Variants in AUTS2 observed in about 807,000 individuals in gnomAD.
AUTS2 encodes the protein activator of transcription and developmental regulator AUTS2.
Under a neutral mutation model 112.4 loss-of-function variants are expected in AUTS2, and 17 were observed. That is an observed-to-expected ratio of 0.15 (90% CI 0.10 to 0.23). AUTS2 has a LOEUF of 0.23. AUTS2 is among the 10% of genes least tolerant of loss of function. The pLI is 1.00. For missense variants in AUTS2, 1,510 were observed against 1,701.6 expected (o/e 0.89, Z 1.98); for synonymous variants, 751 against 702.7 (o/e 1.07, Z -1.09).
chr7:69,677,677 T>C (rs1389105921), intron 1 of AUTS2, among the ~76,000 whole-genome samples: 2 of 152,250 alleles, frequency 1.3e-5, no homozygotes, highest in East Asian at 1.9e-4. Context: ...GATATTCTTA[T>C]AGCCTTCCTG....
chr7:69,622,489 T>C (rs1793721541), intron 1 of AUTS2, among the ~76,000 whole-genome samples: 1 of 152,232 alleles, frequency 6.6e-6, no homozygotes, highest in Non-Finnish European at 1.5e-5. Flanking sequence ...AGTTTTTAGC[T>C]GAATGAATGA....
chr7:70,607,722 C>T (rs1032511146), intron 5 of AUTS2, among the ~76,000 whole-genome samples: 5 of 152,126 alleles, frequency 3.3e-5, no homozygotes, highest in African/African-American at 9.7e-5. Context: ...TGTGATTAAG[C>T]TTATATGAAG....
intron 1 of AUTS2, among the ~76,000 whole-genome samples, chr7:69,766,811 G>T (rs1788441122): frequency 6.6e-6 from 1 of 152,214 alleles, no homozygotes; most frequent in Non-Finnish European, 1.5e-5. Context: ...CTCATCAGCT[G>T]GTGCCATGCT....
At chr7:70,591,770 G>A (rs886237195) in intron 5 of AUTS2, among the ~76,000 whole-genome samples, 1 of 152,104 alleles carries the variant, frequency 6.6e-6, no homozygotes, top group Non-Finnish European at 1.5e-5. Context: ...TGTAGTCTAC[G>A]CATGTGTCAG....
At chr7:70,086,878 T>C (rs1322277822) in intron 2 of AUTS2, among the ~76,000 whole-genome samples, 2 of 152,072 alleles carry the variant, frequency 1.3e-5, no homozygotes, top group African/African-American at 4.8e-5. Flanking sequence ...TTAAAATTTA[T>C]TTGTATTGTA....
intron 5 of AUTS2, among the ~76,000 whole-genome samples, chr7:70,470,898 G>A (rs1797354934): frequency 2.0e-5 from 3 of 152,318 alleles, no homozygotes; most frequent in African/African-American, 7.2e-5. Context: ...ACCCGCGGCA[G>A]TGTGTTTCAG....
chr7:69,990,908 G>A (rs992572398), intron 2 of AUTS2, among the ~76,000 whole-genome samples: 2 of 152,114 alleles, frequency 1.3e-5, no homozygotes, highest in South Asian at 2.1e-4. Flanking sequence ...TTGGATTTTC[G>A]ATTTTCAGAT....
At chr7:70,579,744 G>A (rs1802349239) in intron 5 of AUTS2, among the ~76,000 whole-genome samples, 1 of 152,154 alleles carries the variant, frequency 6.6e-6, no homozygotes, top group South Asian at 2.1e-4. Flanking sequence ...CTCCATTCAG[G>A]CTAAGTGATT....
intron 1 of AUTS2, among the ~76,000 whole-genome samples, chr7:69,726,641 GT>G (rs1410172396): frequency 2.0e-5 from 3 of 152,004 alleles, no homozygotes; most frequent in Non-Finnish European, 4.4e-5. Flanking sequence ...TTCCAAAGTG[GT>G]TGTACCATTT....
intron 8 of AUTS2, among the ~76,000 whole-genome samples, chr7:70,765,546 C>T (rs1037570068): frequency 6.6e-6 from 1 of 152,166 alleles, no homozygotes; most frequent in African/African-American, 2.4e-5. Context: ...TTAATCAGGT[C>T]AAGCGTCCCA....
At chr7:69,744,274 G>A (rs1787392874) in intron 1 of AUTS2, among the ~76,000 whole-genome samples, 1 of 152,134 alleles carries the variant, frequency 6.6e-6, no homozygotes. Context: ...GAACATTTAT[G>A]TACAAATCTT....
At chr7:70,138,406 G>C (rs894758024) in intron 4 of AUTS2, among the ~76,000 whole-genome samples, 4 of 152,266 alleles carry the variant, frequency 2.6e-5, no homozygotes, top group Admixed American at 2.6e-4. Flanking sequence ...CTACTTTTGG[G>C]GCAACTAACC....
At chr7:69,695,596 A>G (rs1302410098) in intron 1 of AUTS2, among the ~76,000 whole-genome samples, 1 of 152,170 alleles carries the variant, frequency 6.6e-6, no homozygotes, top group African/African-American at 2.4e-5. Context: ...TAATTGGGCA[A>G]ATGTTCATAT....
intron 4 of AUTS2, among the ~76,000 whole-genome samples, chr7:70,186,870 A>T (rs1458279393): frequency 6.6e-6 from 1 of 152,194 alleles, no homozygotes; most frequent in African/African-American, 2.4e-5. Context: ...TGCCCAGCCA[A>T]TATGTGTAAT....
chr7:69,995,136 C>G (rs1420414626), intron 2 of AUTS2, among the ~76,000 whole-genome samples: 1 of 152,114 alleles, frequency 6.6e-6, no homozygotes, highest in East Asian at 1.9e-4. Flanking sequence ...ACTGATGGAT[C>G]ACATGTTTTT....
intron 5 of AUTS2, among the ~76,000 whole-genome samples, chr7:70,543,330 C>T (rs540061836): frequency 4.3e-4 from 66 of 152,012 alleles, no homozygotes; most frequent in African/African-American, 1.5e-3. Flanking sequence ...GGTGAAACCT[C>T]GTCTCTACTA....
chr7:70,765,606 A>G (rs1789887603), intron 8 of AUTS2, among the ~76,000 whole-genome samples: 1 of 152,228 alleles, frequency 6.6e-6, no homozygotes, highest in Admixed American at 6.5e-5. Flanking sequence ...AGAGCCATAT[A>G]GCAGTAATTG....
intron 1 of AUTS2, among the ~76,000 whole-genome samples, chr7:69,843,744 A>G (rs1166724255): frequency 6.6e-6 from 1 of 152,138 alleles, no homozygotes; most frequent in Non-Finnish European, 1.5e-5. Context: ...CCCTAGCTCA[A>G]ATGGTAATCA....
chr7:70,534,042 GC>G (rs1800205687), intron 5 of AUTS2, among the ~76,000 whole-genome samples: 1 of 152,216 alleles, frequency 6.6e-6, no homozygotes, highest in South Asian at 2.1e-4. Context: ...GGGGCTGGGA[GC>G]CTTCTGGGTT....
Sources: gnomAD v4.1 joint callset for allele counts (sites outside exome capture counted in the v4.1 genomes callset) on GRCh38, gnomAD v4.1.1 for gene constraint, MANE v1.5 for transcripts, NCBI Gene and HGNC (gene_info 2026-07-23, HGNC 2026-07-21) for gene names.